Variants in BACE2 observed in about 807,000 individuals in gnomAD.
BACE2 encodes the protein 56 kDa aspartic-like protease.
BACE2 carries 17 observed loss-of-function variants against 46.2 expected under a neutral mutation model. That is an observed-to-expected ratio of 0.37 (90% CI 0.25 to 0.55). The LOEUF (loss-of-function observed/expected upper bound fraction) is 0.55. BACE2 is among the 20% of genes least tolerant of loss of function. The probability of loss-of-function intolerance (pLI) is 0.82; values close to 1 mark genes in which losing one functional copy is unlikely to be tolerated. For synonymous variants in BACE2, 277 were observed against 295.9 expected (o/e 0.94, Z 0.66); for missense variants, 595 against 698.1 (o/e 0.85, Z 1.66).
At chr21:41,203,921 T>G (rs1311851199) in intron 1 of BACE2, among the ~76,000 whole-genome samples, 5 of 152,150 alleles carry the variant, frequency 3.3e-5, no homozygotes, top group Non-Finnish European at 7.4e-5. Flanking sequence ...GAGCTGTTTT[T>G]GGGGGGTGGT....
At chr21:41,275,330 C>T (rs764611366) in intron 8 of BACE2, 41 bp from the exon 9 acceptor site, 1 of 1,612,088 alleles carries the variant, frequency 6.2e-7, no homozygotes, top group Non-Finnish European at 8.5e-7. Context: ...AGGTGGACCG[C>T]TCATTTCACA....
At chr21:41,207,850 C>T (rs755936024) in intron 1 of BACE2, among the ~76,000 whole-genome samples, 11 of 152,324 alleles carry the variant, frequency 7.2e-5, no homozygotes, top group South Asian at 2.1e-4. Context: ...AGACCCTGGT[C>T]GGGGGTGATC....
intron 4 of BACE2, among the ~76,000 whole-genome samples, chr21:41,242,369 G>A (rs553306265): frequency 6.6e-6 from 1 of 151,918 alleles, no homozygotes; most frequent in Non-Finnish European, 1.5e-5. Context: ...ACACACACAG[G>A]CACACACGCA....
At chr21:41,189,120 C>G (rs992330942) in intron 1 of BACE2, among the ~76,000 whole-genome samples, 1 of 151,972 alleles carries the variant, frequency 6.6e-6, no homozygotes, top group Non-Finnish European at 1.5e-5. Context: ...GTTTTCTTTC[C>G]CTCCAGAAAC....
chr21:41,205,469 G>A (rs2123536079), intron 1 of BACE2, among the ~76,000 whole-genome samples: 1 of 152,184 alleles, frequency 6.6e-6, no homozygotes, highest in East Asian at 1.9e-4. Flanking sequence ...AGGCCATTCA[G>A]CAGGTCAGTT....
At chr21:41,229,489 C>T (rs1346598055) in intron 2 of BACE2, among the ~76,000 whole-genome samples, 1 of 152,194 alleles carries the variant, frequency 6.6e-6, no homozygotes, top group Non-Finnish European at 1.5e-5. Flanking sequence ...AGTTCTGTGG[C>T]AGCCGCTCAT....
intron 1 of BACE2, among the ~76,000 whole-genome samples, chr21:41,209,448 C>T (rs907151539): frequency 2.6e-5 from 4 of 152,112 alleles, no homozygotes; most frequent in East Asian, 1.9e-4. Flanking sequence ...ACTACCTCTG[C>T]GGGTTTCAGT....
At position 41,275,655 on chromosome 21, in the gene BACE2, A is replaced by C. The variant is rs779517529; in HGVS notation, c.*31A>C. 5.6e-6 allele frequency: 9 copies of C among 1,606,560 alleles called. No individual in the cohort carries two copies. The South Asian group carries it at 9.9e-5, about 18-fold the overall frequency. ...CAGGCCTGACCTCAAGCAACCATGA[A>C]CTCAGCTATTAAGAAAATCACATTT... On this transcript the variant is annotated 3_prime_UTR_variant, in exon 9 of 9. Coordinates refer to ENST00000330333, the MANE Select transcript of BACE2 (RefSeq NM_012105.5).
At chr21:41,246,512 A>G (rs1490937870) in intron 6 of BACE2, among the ~76,000 whole-genome samples, 1 of 152,238 alleles carries the variant, frequency 6.6e-6, no homozygotes, top group Non-Finnish European at 1.5e-5. Context: ...AAAACAAACC[A>G]AAAATTTTAC....
At chr21:41,248,495 A>C (rs1987539291) in intron 6 of BACE2, among the ~76,000 whole-genome samples, 1 of 152,146 alleles carries the variant, frequency 6.6e-6, no homozygotes, top group African/African-American at 2.4e-5. Flanking sequence ...TGGCCACCGA[A>C]ACTCTTCCCC....
At chr21:41,247,539 T>C (rs1200470115) in intron 6 of BACE2, among the ~76,000 whole-genome samples, 1 of 152,240 alleles carries the variant, frequency 6.6e-6, no homozygotes, top group African/African-American at 2.4e-5. Context: ...GGGAGTATCT[T>C]CCAACTTCAT....
intron 3 of BACE2, among the ~76,000 whole-genome samples, chr21:41,238,796 A>T (rs1291567853): frequency 4.1e-5 from 4 of 97,534 alleles, no homozygotes; most frequent in African/African-American, 1.7e-4. Context: ...CACTCTGGGG[A>T]CTGTGGTGGG....
intron 1 of BACE2, chr21:41,178,944 G>T: frequency 4.5e-6 from 2 of 444,636 alleles, no homozygotes; most frequent in Non-Finnish European, 7.4e-6. Flanking sequence ...TGCTTTATAA[G>T]GGCGGTTATG....
intron 1 of BACE2, among the ~76,000 whole-genome samples, chr21:41,216,044 C>A (rs542774570): frequency 6.6e-6 from 1 of 152,060 alleles, no homozygotes; most frequent in East Asian, 1.9e-4. Flanking sequence ...AGCCCACAGC[C>A]GGGGTGTTTG....
intron 8 of BACE2, among the ~76,000 whole-genome samples, chr21:41,273,225 G>A (rs2088451496): frequency 1.3e-5 from 2 of 152,218 alleles, no homozygotes. Context: ...TGCTAATGAA[G>A]CTTTGGGCAC....
chr21:41,255,584 G>T (rs1358712193), intron 7 of BACE2, among the ~76,000 whole-genome samples: 2 of 152,198 alleles, frequency 1.3e-5, no homozygotes, highest in African/African-American at 2.4e-5. Flanking sequence ...TTACTGCCTG[G>T]TTCCCCCTAG....
intron 1 of BACE2, among the ~76,000 whole-genome samples, chr21:41,216,963 G>A (rs903518949): frequency 2.0e-5 from 3 of 151,976 alleles, no homozygotes; most frequent in African/African-American, 4.8e-5. Flanking sequence ...ATGGAGTCTC[G>A]CTCTGTCACC....
chr21:41,186,361 G>A (rs1222064951), intron 1 of BACE2: 2 of 152,336 alleles, frequency 1.3e-5, no homozygotes, highest in African/African-American at 2.4e-5. Context: ...GAAAGATGAT[G>A]GCTGTGAAAA....
chr21:41,207,845 C>T (rs1252406446), intron 1 of BACE2, among the ~76,000 whole-genome samples: 2 of 152,246 alleles, frequency 1.3e-5, no homozygotes, highest in Non-Finnish European at 1.5e-5. Context: ...GAATCAGACC[C>T]TGGTCGGGGG....
Sources: gnomAD v4.1 joint callset for allele counts (sites outside exome capture counted in the v4.1 genomes callset) on GRCh38, gnomAD v4.1.1 for gene constraint, MANE v1.5 for transcripts, NCBI Gene and HGNC (gene_info 2026-07-23, HGNC 2026-07-21) for gene names.